CRTC1: variants seen among roughly 807,000 people sequenced by gnomAD.
CRTC1 encodes CREB-regulated transcription coactivator 1.
Under a neutral mutation model 66.1 loss-of-function variants are expected in CRTC1, and 18 were observed. The ratio of observed to expected loss-of-function variants is 0.27; its 90% CI spans 0.19 to 0.40. The LOEUF is 0.40. Ranked by LOEUF, CRTC1 falls within the 10% of genes least tolerant of loss-of-function variation. CRTC1 has a pLI of 1.00. For synonymous variants in CRTC1, 416 were observed against 398.8 expected (o/e 1.04, Z -0.51); for missense variants, 669 against 887.9 (o/e 0.75, Z 3.13).
intron 4 of CRTC1, among the ~76,000 whole-genome samples, chr19:18,747,916 A>G (rs1343278870): frequency 6.6e-6 from 1 of 152,110 alleles, no homozygotes; most frequent in Non-Finnish European, 1.5e-5. Flanking sequence ...ATCTTTACAA[A>G]AAATGAGAGA....
At chr19:18,727,301 G>T (rs1331610943) in intron 1 of CRTC1, among the ~76,000 whole-genome samples, 1 of 151,408 alleles carries the variant, frequency 6.6e-6, no homozygotes, top group African/African-American at 2.4e-5. Flanking sequence ...AAAGGACAAG[G>T]TCAGGCACGG....
chr19:18,739,689 G>T (rs1216335057), intron 1 of CRTC1, among the ~76,000 whole-genome samples: 1 of 152,158 alleles, frequency 6.6e-6, no homozygotes, highest in African/African-American at 2.4e-5. Flanking sequence ...CTGTGATGTT[G>T]CCTGCAGTGC....
intron 1 of CRTC1, among the ~76,000 whole-genome samples, chr19:18,729,482 T>C (rs1051669008): frequency 6.7e-6 from 1 of 149,460 alleles, no homozygotes; most frequent in African/African-American, 2.5e-5. Flanking sequence ...TGGTGGCTCA[T>C]GTCTGTAATC....
chr19:18,749,934 C>G, intron 5 of CRTC1, 59 bp downstream of exon 5: 1 of 1,375,132 alleles, frequency 7.3e-7, no homozygotes, highest in South Asian at 1.2e-5. Flanking sequence ...CAGGTAACCC[C>G]TGTTCTCCAG....
In CRTC1 at chr19:18,696,954, C is replaced by T. The variant is rs185184130; in HGVS notation, c.126+13126C>T. Among the ~76,000 whole-genome samples, 21 of 152,190 alleles carry T rather than the reference C, an allele frequency of 1.4e-4. No individual in the cohort carries two copies. In the East Asian group the frequency reaches 3.9e-3, roughly 28 times the overall value. ...GGTGGGGGGTAGGAGAGTCCTGCTT[C>T]ACCTTGGAGCTCATGGGATAGAACA... On this transcript the variant is annotated intron_variant, in intron 1 of 13. Transcript: ENST00000321949.
chr19:18,740,022 G>C (rs1359105304), intron 1 of CRTC1, among the ~76,000 whole-genome samples: 1 of 152,170 alleles, frequency 6.6e-6, no homozygotes, highest in African/African-American at 2.4e-5. Context: ...GGAGGCTGAG[G>C]CGGGCGAATC....
chr19:18,775,848 C>T (rs370079284), intron 13 of CRTC1, 27 bp downstream of exon 13: 77 of 1,538,032 alleles, frequency 5.0e-5, no homozygotes, highest in Non-Finnish European at 6.0e-5. Flanking sequence ...GGCGCGTGTG[C>T]GGCGCCCCAA....
intron 7 of CRTC1, 116 bp downstream of exon 7, chr19:18,759,707 G>A: frequency 8.4e-7 from 1 of 1,185,954 alleles, no homozygotes; most frequent in Non-Finnish European, 1.2e-6. Context: ...GACACTGTGT[G>A]ACCAGAGGCC....
chr19:18,762,211 G>A lies in CRTC1; in HGVS notation c.886+1983G>A, dbSNP rs147926277. Among the ~76,000 whole-genome samples the A allele has an allele frequency of 9.3e-4, 141 of 152,326 alleles. 1 individual carries two copies. Among genetic ancestry groups the A allele is most frequent in the African/African-American group, 2.9e-3 (120 of 41,570 alleles). ...GGAGGGTCCTTGGCAGGTCCCCAGC[G>A]CCCGCCCGGGAGCTGCGCACCTCCA... On this transcript the variant is annotated intron_variant, in intron 8 of 13. Coordinates refer to ENST00000321949, the MANE Select transcript of CRTC1 (RefSeq NM_015321.3).
At chr19:18,708,425 G>A (rs73537928) in intron 1 of CRTC1, among the ~76,000 whole-genome samples, 2,088 of 152,292 alleles carry the variant, frequency 0.014, 59 homozygotes, top group African/African-American at 0.047. Context: ...AGAGAGGAAC[G>A]GGGCCACCCC....
chr19:18,752,906 G>A (rs574422280), intron 5 of CRTC1, among the ~76,000 whole-genome samples: 105 of 152,016 alleles, frequency 6.9e-4, no homozygotes, highest in African/African-American at 2.5e-3. Flanking sequence ...CCAAAGTGCT[G>A]GGATTACAGG....
chr19:18,727,981 C>T (rs981515219), intron 1 of CRTC1, among the ~76,000 whole-genome samples: 3 of 152,228 alleles, frequency 2.0e-5, no homozygotes, highest in Admixed American at 2.0e-4. Flanking sequence ...CCACCTCAGC[C>T]TCCCAAAGCG....
At chr19:18,722,793 A>G (rs936231203) in intron 1 of CRTC1, among the ~76,000 whole-genome samples, 1 of 151,924 alleles carries the variant, frequency 6.6e-6, no homozygotes, top group Non-Finnish European at 1.5e-5. Context: ...TCCCAGCCCC[A>G]GGCAACCACT....
rs924798155 is a variant in CRTC1, at chr19:18,695,249, C to T, written c.126+11421C>T. On this transcript the variant is annotated intron_variant, in intron 1 of 13. Coordinates refer to ENST00000321949, the MANE Select transcript of CRTC1 (RefSeq NM_015321.3). Reference sequence around the variant, plus strand: ...CTCGAACTCCTGGTCTCGAGACCTGCCCGCCTTCGCCTCTCAAAGTGCTGG... The same window carrying T: ...CTCGAACTCCTGGTCTCGAGACCTGTCCGCCTTCGCCTCTCAAAGTGCTGG... Among the ~76,000 whole-genome samples the T allele has an allele frequency of 2.0e-5, 3 of 152,182 alleles. No homozygotes were observed. In the South Asian group the frequency reaches 6.2e-4, roughly 32 times the overall value.
intron 1 of CRTC1, among the ~76,000 whole-genome samples, chr19:18,721,957 C>G (rs1029478): frequency 7.2e-4 from 110 of 152,340 alleles, no homozygotes; most frequent in African/African-American, 2.6e-3. Flanking sequence ...TGGGTCTGCC[C>G]AGGAGGTGCT....
chr19:18,689,300 A>G (rs1215041625), intron 1 of CRTC1, among the ~76,000 whole-genome samples: 1 of 151,354 alleles, frequency 6.6e-6, no homozygotes, highest in Non-Finnish European at 1.5e-5. Flanking sequence ...ATTTCATATC[A>G]ATAGAATCCT....
At chr19:18,698,861 GTGCACACT>G (rs1272423904) in intron 1 of CRTC1, among the ~76,000 whole-genome samples, 1 of 151,170 alleles carries the variant, frequency 6.6e-6, no homozygotes, top group African/African-American at 2.4e-5. Context: ...TGCTGAGCAA[GTGCACACT>G]GTGTACTCAG....
chr19:18,769,163 G>A (rs1394876927), intron 10 of CRTC1, among the ~76,000 whole-genome samples: 1 of 152,254 alleles, frequency 6.6e-6, no homozygotes, highest in Non-Finnish European at 1.5e-5. Context: ...GGGGGCCGGG[G>A]ATGACGTGAG....
In CRTC1 at chr19:18,777,423, C is replaced by T. The variant is rs991088961; in HGVS notation, c.*41C>T. 5 of 1,563,962 alleles carry T rather than the reference C, an allele frequency of 3.2e-6. No homozygotes were observed. The highest frequency in any genetic ancestry group is 1.7e-5 in the Admixed American group (1 of 59,844). On this transcript the variant is annotated 3_prime_UTR_variant, in exon 14 of 14. Transcript: ENST00000321949. The surrounding 1 kb of genome is among the most constrained non-coding windows in gnomAD (Gnocchi z 5.5). ...CCCTGCCGCTCAGCCGTCCCGACGGCGCCTCCCCAGCCCGGGGACGGCCGT... is the reference window on the plus strand; with the variant it reads ...CCCTGCCGCTCAGCCGTCCCGACGGTGCCTCCCCAGCCCGGGGACGGCCGT...
Sources: gnomAD v4.1 joint callset for allele counts (sites outside exome capture counted in the v4.1 genomes callset) on GRCh38, gnomAD v4.1.1 for gene constraint, Gnocchi (gnomAD v3.1) non-coding constraint, MANE v1.5 for transcripts, NCBI Gene and HGNC (gene_info 2026-07-23, HGNC 2026-07-21) for gene names.